ITSN2: variants seen among roughly 807,000 people sequenced by gnomAD.
ITSN2 encodes intersectin 2.
Under a neutral mutation model 243.7 loss-of-function variants are expected in ITSN2, and 156 were observed. That is an observed-to-expected ratio of 0.64 (90% CI 0.56 to 0.73). ITSN2 has a LOEUF of 0.73. Among genes scored for constraint, ITSN2 ranks in the 30% least tolerant of loss-of-function variants. ITSN2 has a pLI of 0.00. For missense variants in ITSN2, 1,801 were observed against 1,996.1 expected, an observed-to-expected ratio of 0.90 and a Z score of 1.86; for synonymous variants, 703 against 699.9, an observed-to-expected ratio of 1.00 and a Z score of -0.07.
At chr2:24,338,767 G>A (rs1686729416) in intron 1 of ITSN2, among the ~76,000 whole-genome samples, 1 of 151,906 alleles carries the variant, frequency 6.6e-6, no homozygotes, top group Admixed American at 6.6e-5. Flanking sequence ...TAAGGCAGGA[G>A]GATTGATGAG....
intron 17 of ITSN2, among the ~76,000 whole-genome samples, chr2:24,277,278 T>G (rs1175590037): frequency 6.6e-6 from 1 of 152,204 alleles, no homozygotes; most frequent in Non-Finnish European, 1.5e-5. Context: ...AATGTTTTGG[T>G]AAAAAATGTT....
chr2:24,262,602 T>G (rs545934211), intron 20 of ITSN2, among the ~76,000 whole-genome samples: 3 of 152,346 alleles, frequency 2.0e-5, no homozygotes, highest in African/African-American at 7.2e-5. Context: ...TCAAGTTTCA[T>G]CACTGGCTTT....
intron 2 of ITSN2, among the ~76,000 whole-genome samples, chr2:24,320,328 G>A (rs559414094): frequency 6.6e-6 from 1 of 151,010 alleles, no homozygotes; most frequent in East Asian, 2.0e-4. Flanking sequence ...GACCATCCTG[G>A]CTAACAAGGT....
chr2:24,210,981 C>G, intron 33 of ITSN2, 34 bp from the exon 34 acceptor site: 1 of 1,607,644 alleles, frequency 6.2e-7, no homozygotes, highest in South Asian at 1.1e-5. Flanking sequence ...CATGGGGGAG[C>G]TGCGTCTCTC....
At chr2:24,259,969 T>G (rs1185381071) in intron 22 of ITSN2, among the ~76,000 whole-genome samples, 1 of 152,198 alleles carries the variant, frequency 6.6e-6, no homozygotes, top group African/African-American at 2.4e-5. Flanking sequence ...TTGCCCAGGC[T>G]GGAGTACAGT....
chr2:24,341,166 A>G (rs1005242354), intron 1 of ITSN2, among the ~76,000 whole-genome samples: 1 of 152,228 alleles, frequency 6.6e-6, no homozygotes, highest in African/African-American at 2.4e-5. Context: ...AAGCTCTAAG[A>G]AAGTAGGAAT....
intron 25 of ITSN2, 94 bp downstream of exon 25, chr2:24,252,247 CTTGA>C: frequency 1.1e-6 from 1 of 905,124 alleles, no homozygotes; most frequent in Non-Finnish European, 1.7e-6. Flanking sequence ...AAGTATAAAT[CTTGA>C]TTAACAAGAA....
chr2:24,208,368 T>C, intron 36 of ITSN2, 49 bp from the exon 37 acceptor site: 3 of 1,391,742 alleles, frequency 2.2e-6, no homozygotes, highest in Non-Finnish European at 3.1e-6. Context: ...CCCTCACAGG[T>C]CAGCGTGGAG....
chr2:24,244,873 C>T (rs1431324605), intron 29 of ITSN2, among the ~76,000 whole-genome samples: 1 of 152,144 alleles, frequency 6.6e-6, no homozygotes, highest in Non-Finnish European at 1.5e-5. Context: ...TCTTTATAAG[C>T]TCTAAAGTGA....
chr2:24,259,409 G>A (rs1260373623), intron 22 of ITSN2, among the ~76,000 whole-genome samples: 1 of 152,116 alleles, frequency 6.6e-6, no homozygotes, highest in Non-Finnish European at 1.5e-5. Flanking sequence ...TTAACTGGTT[G>A]TTTTCTTCTG....
intron 2 of ITSN2, among the ~76,000 whole-genome samples, chr2:24,320,106 T>C (rs911855656): frequency 2.0e-5 from 3 of 152,130 alleles, no homozygotes; most frequent in African/African-American, 7.2e-5. Flanking sequence ...AGGCCGGACA[T>C]GGTGGTGCAC....
At chr2:24,237,629 C>T (rs1266476033) in intron 29 of ITSN2, among the ~76,000 whole-genome samples, 1 of 152,166 alleles carries the variant, frequency 6.6e-6, no homozygotes, top group Admixed American at 6.5e-5. Context: ...CAGTTGGTGG[C>T]ACCATTATCC....
chr2:24,260,187 C>G (rs1471010120), intron 22 of ITSN2, among the ~76,000 whole-genome samples: 1 of 152,158 alleles, frequency 6.6e-6, no homozygotes, highest in African/African-American at 2.4e-5. Flanking sequence ...TCCCAAAGAG[C>G]TGGGATTATA....
At chr2:24,220,885 C>G in intron 30 of ITSN2, 60 bp downstream of exon 30, 2 of 1,527,532 alleles carry the variant, frequency 1.3e-6, no homozygotes, top group South Asian at 2.6e-5. Flanking sequence ...GTCTGATGCC[C>G]ACCATCTCTC....
chr2:24,315,319 GA>G, intron 2 of ITSN2, 95 bp from the exon 3 acceptor site: 1 of 670,146 alleles, frequency 1.5e-6, no homozygotes, highest in East Asian at 2.7e-5. Flanking sequence ...TTCATTGTAT[GA>G]CAGTATTTAA....
At chr2:24,359,316 G>A (rs2151966118) in intron 1 of ITSN2, among the ~76,000 whole-genome samples, 1 of 152,260 alleles carries the variant, frequency 6.6e-6, no homozygotes, top group Admixed American at 6.5e-5. Flanking sequence ...CACTAACAAC[G>A]TAAAATTTCA....
At chr2:24,215,268 C>T (rs939611345) in intron 32 of ITSN2, among the ~76,000 whole-genome samples, 1 of 152,202 alleles carries the variant, frequency 6.6e-6, no homozygotes, top group African/African-American at 2.4e-5. Context: ...ATATATTATC[C>T]TAATTCCTGG....
intron 1 of ITSN2, among the ~76,000 whole-genome samples, chr2:24,347,516 G>A (rs543352324): frequency 4.6e-5 from 7 of 152,168 alleles, no homozygotes; most frequent in African/African-American, 9.6e-5. Context: ...GAGAAACCCC[G>A]TCCCTGCTAA....
intron 5 of ITSN2, among the ~76,000 whole-genome samples, chr2:24,311,996 A>G (rs1347533288): frequency 6.6e-6 from 1 of 152,200 alleles, no homozygotes; most frequent in Non-Finnish European, 1.5e-5. Flanking sequence ...AGATGCCAGG[A>G]CAAAAGGCAT....
Sources: allele counts gnomAD v4.1 joint callset (sites outside exome capture counted in the v4.1 genomes callset), GRCh38; gene constraint gnomAD v4.1.1; transcripts MANE v1.5; gene names NCBI Gene and HGNC (gene_info 2026-07-23, HGNC 2026-07-21).